The following KLF5 variants were observed in gnomAD, a reference collection of about 807,000 sequenced individuals.
KLF5 encodes the protein KLF transcription factor 5.
In KLF5, 9 loss-of-function variants were observed where a neutral mutation model predicts 36.9. That is an observed-to-expected ratio of 0.24 (90% CI 0.15 to 0.43). KLF5 has a LOEUF of 0.43. KLF5 is among the 20% of genes least tolerant of loss of function. The pLI is 1.00. For missense variants in KLF5, 524 were observed against 599.5 expected (o/e 0.87, Z 1.31); for synonymous variants, 246 against 241.7 (o/e 1.02, Z -0.17).
intron 3 of KLF5, among the ~76,000 whole-genome samples, chr13:73,066,518 G>A (rs141754361): frequency 1.3e-5 from 2 of 152,216 alleles, no homozygotes; most frequent in African/African-American, 4.8e-5. Flanking sequence ...TCGTTTTACA[G>A]GCAGAATGTG....
chr13:73,063,987 G>T (rs4885061), intron 3 of KLF5, 104 bp downstream of exon 3: 332,548 of 447,132 alleles, frequency 0.74, 115,155 homozygotes, highest in Admixed American at 0.81. Flanking sequence ...TGTCAACTTT[G>T]TTTTTTTTTT....
In KLF5 at chr13:73,059,715, T is replaced by A. The variant is rs575714393; in HGVS notation, c.261+127T>A. The A allele has an allele frequency of 1.2e-5, 10 of 865,020 alleles. No individual in the cohort carries two copies. The South Asian group carries it at 3.3e-4, about 28-fold the overall frequency. The allele number at this position is 865,020 out of a possible 1,614,324, so 53.6% of individuals were successfully genotyped here. A position where few individuals can be genotyped will look rare whatever the true frequency, so the allele number is the denominator to read the frequency against. ...CGTCGGGGCGCACCGGAGCCGGTGC[T>A]GGGTGGGCAGCCCCGCCCTGCACGC... On this transcript the variant is annotated intron_variant, in intron 1 of 3. Coordinates refer to ENST00000377687, the MANE Select transcript of KLF5 (RefSeq NM_001730.5).
In KLF5 at chr13:73,077,001, A is replaced by G. The variant is rs996175966; in HGVS notation, c.*1115A>G. The G allele has an allele frequency of 2.0e-5, 3 of 152,608 alleles. No individual in the cohort carries two copies. Among genetic ancestry groups the G allele is most frequent in the African/African-American group, 7.2e-5 (3 of 41,468 alleles). The allele number at this position is 152,608 out of a possible 1,614,324, so 9.5% of individuals were successfully genotyped here. A position where few individuals can be genotyped will look rare whatever the true frequency, so the allele number is the denominator to read the frequency against. On this transcript the variant is annotated 3_prime_UTR_variant, in exon 4 of 4. Coordinates refer to ENST00000377687, the MANE Select transcript of KLF5 (RefSeq NM_001730.5). ...TTAGTTAATCTATTAATACTGACTC[A>G]GTGTCTGCCTTTAAATATAAATGAT...
chr13:73,059,205 G>C lies in KLF5; in HGVS notation c.-123G>C, dbSNP rs969988257. On this transcript the variant is annotated 5_prime_UTR_variant, in exon 1 of 4. Transcript: ENST00000377687. Reference sequence around the variant, plus strand: ...CGAAAACTGCCTGCCGCTGTCTGAGGAGTCCACCCGAAACCTCCCCTCCTC... The same window carrying C: ...CGAAAACTGCCTGCCGCTGTCTGAGCAGTCCACCCGAAACCTCCCCTCCTC... 2.2e-5 allele frequency: 20 copies of C among 910,668 alleles called. No individual in the cohort carries two copies. Among genetic ancestry groups the C allele is most frequent in the Non-Finnish European group, 2.8e-5 (19 of 688,106 alleles). The allele number at this position is 910,668 out of a possible 1,614,324, so 56.4% of individuals were successfully genotyped here.
chr13:73,062,562 T>G lies in KLF5; in HGVS notation c.963T>G (p.Asn321Lys). The change falls in exon 2 of 4, where the codon AAT (asparagine) becomes AAG (lysine). Residue 321 changes from asparagine to lysine, a missense_variant. Physicochemically the swap from Asn to Lys is moderately conservative, Grantham distance 94. Around this residue, in one of 4 missense-constraint regions of KLF5, gnomAD observed 454 missense variants for 458.1 expected, o/e 0.99. Transcript: ENST00000377687. ...SPDRQAEMLQ[N>K]LTPPPSYAAT... ...ATAGACAAGCAGAGATGCTCCAGAA[T>G]TTAACCCCACCTCCATCCTATGCTG... is the stretch of plus-strand genomic sequence containing the variant. 1 of 1,614,182 alleles carries G rather than the reference T, an allele frequency of 6.2e-7. No individual in the cohort carries two copies. The highest frequency in any genetic ancestry group is 8.5e-7 in the Non-Finnish European group (1 of 1,180,020).
chr13:73,069,268 T>G (rs2044705377), intron 3 of KLF5, among the ~76,000 whole-genome samples: 1 of 152,240 alleles, frequency 6.6e-6, no homozygotes, highest in Non-Finnish European at 1.5e-5. Flanking sequence ...ATACAAAGGT[T>G]TTCACTCTGG....
rs1254148673 is a variant in KLF5 at position 73,075,966 on chromosome 13, A to T, written c.*80A>T. ...TAACTATTCCTGTGTAAAAACAACA[A>T]AAACAAACAAAAGCAAGAAAACCAC... On this transcript the variant is annotated 3_prime_UTR_variant, in exon 4 of 4. Transcript: ENST00000377687. The T allele has an allele frequency of 2.7e-6, 3 of 1,122,318 alleles. No individual in the cohort carries two copies. In the African/African-American group the frequency reaches 6.5e-5, roughly 24 times the overall value. The allele number at this position is 1,122,318 out of a possible 1,614,324, so 69.5% of individuals were successfully genotyped here. A position where few individuals can be genotyped will look rare whatever the true frequency, so the allele number is the denominator to read the frequency against.
At chr13:73,059,789 G>T in intron 1 of KLF5, 1 of 739,168 alleles carries the variant, frequency 1.4e-6, no homozygotes, top group Non-Finnish European at 1.7e-6. Flanking sequence ...GGGGGGGCCG[G>T]GGGTGGGAAG....
In KLF5 at chr13:73,077,179, GTTTATC is replaced by G. The variant is rs749035199; in HGVS notation, c.*1299_*1304del. The G allele has an allele frequency of 1.5e-4, 23 of 152,536 alleles. No homozygotes were observed. Among genetic ancestry groups the G allele is most frequent in the Non-Finnish European group, 2.5e-4 (17 of 67,976 alleles). 9.4% of individuals were successfully genotyped at this position (152,536 alleles called of 1,614,324 possible). On this transcript the variant is annotated 3_prime_UTR_variant, in exon 4 of 4. Transcript: ENST00000377687. ...AATTTAATTTTGTTTTTAAAATATT[GTTTATC>G]TTTATTTATTTTGTGGTAATATAGT...
At position 73,062,184 on chromosome 13, in the gene KLF5, A is replaced by G. The variant is rs199971715; in HGVS notation, c.585A>G (p.Ser195=). Residue 195 remains serine, a synonymous_variant, in exon 2 of 4, where the codon TCA becomes TCG. Transcript: ENST00000377687. ...CTGAGTTCACCAGTATATTCAGCTC[A>G]CACCAGACCGCAGCTCCAGAGGTGA... ...ALPEFTSIFS[S]HQTAAPEVNN... is the part of the protein sequence containing the mutation. 2.4e-5 allele frequency: 39 copies of G among 1,613,940 alleles called. No individual in the cohort carries two copies. In the African/African-American group the frequency reaches 4.3e-4, roughly 18 times the overall value.
intron 2 of KLF5, 113 bp from the exon 3 acceptor site, chr13:73,063,709 ATC>A (rs1436999527): frequency 4.3e-6 from 3 of 695,658 alleles, no homozygotes; most frequent in Non-Finnish European, 7.4e-6. Context: ...GCTTCAAATA[ATC>A]TCATCTAGCA....
chr13:73,055,149 T>A (rs1325633054), upstream of KLF5: 3 of 152,178 alleles, frequency 2.0e-5, no homozygotes, highest in Admixed American at 6.5e-5. Context: ...AATCCCAGTC[T>A]CTCCAAAAGG....
At chr13:73,066,273 C>T (rs914130814) in intron 3 of KLF5, among the ~76,000 whole-genome samples, 15 of 151,412 alleles carry the variant, frequency 9.9e-5, no homozygotes, top group Non-Finnish European at 2.1e-4. Context: ...CCTCCCCACC[C>T]TGCCCGCCTG....
chr13:73,075,956 A>G lies in KLF5; in HGVS notation c.*70A>G. On this transcript the variant is annotated 3_prime_UTR_variant, in exon 4 of 4. Coordinates refer to ENST00000377687, the MANE Select transcript of KLF5 (RefSeq NM_001730.5). The stretch of plus-strand genomic sequence containing the variant: ...ATGACAGACCTAACTATTCCTGTGT[A>G]AAAACAACAAAAACAAACAAAAGCA... 1 of 1,110,200 alleles carries G rather than the reference A, an allele frequency of 9.0e-7. No individual in the cohort carries two copies. 68.8% of individuals were successfully genotyped at this position (1,110,200 alleles called of 1,614,324 possible). A position where few individuals can be genotyped will look rare whatever the true frequency, so the allele number is the denominator to read the frequency against.
Position 73,077,401 on chromosome 13 carries a change from T to G in KLF5, c.*1515T>G, listed in dbSNP as rs373050169. The G allele has an allele frequency of 7.7e-4, 118 of 152,784 alleles. No individual in the cohort carries two copies. Among genetic ancestry groups the G allele is most frequent in the African/African-American group, 2.8e-3 (116 of 41,590 alleles). 9.5% of individuals were successfully genotyped at this position (152,784 alleles called of 1,614,324 possible). A position where few individuals can be genotyped will look rare whatever the true frequency, so the allele number is the denominator to read the frequency against. The stretch of plus-strand genomic sequence containing the variant: ...GGTTGCTGTTTTGCTTCTTTTTCCC[T>G]CTTATTTTTGTATTGTGGTCATTTC... On this transcript the variant is annotated 3_prime_UTR_variant, in exon 4 of 4. Coordinates refer to ENST00000377687, the MANE Select transcript of KLF5 (RefSeq NM_001730.5).
At chr13:73,072,159 G>C (rs1406218626) in intron 3 of KLF5, among the ~76,000 whole-genome samples, 1 of 152,112 alleles carries the variant, frequency 6.6e-6, no homozygotes, top group African/African-American at 2.4e-5. Context: ...TATGTCTATT[G>C]AATGTGTTCA....
Position 73,062,306 on chromosome 13 carries a change from A to G in KLF5, c.707A>G (p.Asp236Gly), listed in dbSNP as rs1476154158. 2 of 1,614,136 alleles carry G rather than the reference A, an allele frequency of 1.2e-6. No individual in the cohort carries two copies. The highest frequency in any genetic ancestry group is 1.7e-6 in the Non-Finnish European group (2 of 1,180,008). ...GHLYQLLNTP[D>G]LDMPSSTNQT... ...CTGTACCAGCTACTGAATACACCGG[A>G]TCTAGATATGCCCAGTTCTACAAAT... The change falls in exon 2 of 4, where the codon GAT (aspartate) becomes GGT (glycine). Residue 236 changes from aspartate to glycine, a missense_variant. Around this residue, in one of 4 missense-constraint regions of KLF5, gnomAD observed 454 missense variants for 458.1 expected, o/e 0.99. Transcript: ENST00000377687.
At chr13:73,060,353 G>C (rs913007024) in intron 1 of KLF5, among the ~76,000 whole-genome samples, 3 of 151,880 alleles carry the variant, frequency 2.0e-5, no homozygotes, top group African/African-American at 4.8e-5. Context: ...CTTTTAGCCT[G>C]TCCCAAGGAA....
rs1172461265 is a variant in KLF5 at position 73,077,366 on chromosome 13, A to C, written c.*1480A>C. ...TACGTGGAAACACACCTACATGAAA[A>C]GCAGAAATCGGTTGCTGTTTTGCTT... On this transcript the variant is annotated 3_prime_UTR_variant, in exon 4 of 4. Coordinates refer to ENST00000377687, the MANE Select transcript of KLF5 (RefSeq NM_001730.5). The C allele has an allele frequency of 1.3e-5, 2 of 152,666 alleles. No individual in the cohort carries two copies. The highest frequency in any genetic ancestry group is 4.8e-5 in the African/African-American group (2 of 41,454). 9.5% of individuals were successfully genotyped at this position (152,666 alleles called of 1,614,324 possible). A position where few individuals can be genotyped will look rare whatever the true frequency, so the allele number is the denominator to read the frequency against.
Sources: gnomAD v4.1 joint callset for allele counts (sites outside exome capture counted in the v4.1 genomes callset) on GRCh38, gnomAD v4.1.1 for gene constraint, gnomAD v4.1.1 regional missense constraint, MANE v1.5 for transcripts, NCBI Gene and HGNC (gene_info 2026-07-23, HGNC 2026-07-21) for gene names.